The following COG4 variants were observed in gnomAD, a reference collection of about 807,000 sequenced individuals.
The protein encoded by COG4 is conserved oligomeric Golgi complex subunit 4.
COG4 carries 65 observed loss-of-function variants against 95.1 expected under a neutral mutation model. The observed-to-expected ratio is 0.68, with a 90% CI of 0.56 to 0.84. The LOEUF (loss-of-function observed/expected upper bound fraction) is 0.84, where lower values mean the gene tolerates loss of function less well. Among genes scored for constraint, COG4 ranks in the 40% least tolerant of loss-of-function variants. The probability of loss-of-function intolerance (pLI) is 0.00; values close to 1 mark genes in which losing one functional copy is unlikely to be tolerated. For synonymous variants in COG4, 421 were observed against 374.8 expected, an observed-to-expected ratio of 1.12 and a Z score of -1.42; for missense variants, 1,045 against 989.1, an observed-to-expected ratio of 1.06 and a Z score of -0.76.
intron 7 of COG4, 184 bp from the exon 8 acceptor site, chr16:70,508,648 G>C: frequency 1.4e-6 from 1 of 691,370 alleles, no homozygotes; most frequent in Non-Finnish European, 2.6e-6. Flanking sequence ...TTTTGGGTTG[G>C]ATGCTAATAA....
Position 70,503,142 on chromosome 16 carries a change from C to T in COG4, c.1062-2051G>A, listed in dbSNP as rs1049928692. 3.3e-5 allele frequency among the ~76,000 whole-genome samples: 5 copies of T among 152,208 alleles called. No individual in the cohort carries two copies. In the East Asian group the frequency reaches 9.7e-4, roughly 29 times the overall value. ...CACAGCTCACTGCAGGCTCAGCTTC[C>T]CTGGGATCAGGCAATCCTCCCACCT... On this transcript the variant is annotated intron_variant, in intron 8 of 18. Coordinates refer to ENST00000323786, the MANE Select transcript of COG4 (RefSeq NM_015386.3).
chr16:70,498,297 T>C (rs2049381282), intron 9 of COG4, among the ~76,000 whole-genome samples: 1 of 152,162 alleles, frequency 6.6e-6, no homozygotes, highest in South Asian at 2.1e-4. Context: ...AGGTGCATAA[T>C]CCACATTTTA....
intron 8 of COG4, among the ~76,000 whole-genome samples, chr16:70,507,024 C>T (rs941530737): frequency 6.6e-6 from 1 of 151,988 alleles, no homozygotes; most frequent in Admixed American, 6.6e-5. Flanking sequence ...CGAGACCAGC[C>T]TAGGCAACAT....
intron 3 of COG4, 52 bp downstream of exon 3, chr16:70,517,574 C>G: frequency 2.9e-6 from 3 of 1,026,936 alleles, no homozygotes; most frequent in Non-Finnish European, 4.2e-6. Context: ...GGTGACAGAG[C>G]AAGACCCTGT....
chr16:70,490,412 G>T lies in COG4; in HGVS notation c.1648-20C>A. On this transcript the variant is annotated intron_variant, in intron 12 of 18. Coordinates refer to ENST00000323786, the MANE Select transcript of COG4 (RefSeq NM_015386.3). The stretch of plus-strand genomic sequence containing the variant: ...AGTCACCTGGGAGATGAGGAAGGAA[G>T]AACGTGACTTCCTGCTGACTGTGCC... The T allele has an allele frequency of 6.2e-7, 1 of 1,606,442 alleles. No homozygotes were observed. The highest frequency in any genetic ancestry group is 8.5e-7 in the Non-Finnish European group (1 of 1,173,186).
chr16:70,492,128 G>A (rs972596869), intron 12 of COG4, among the ~76,000 whole-genome samples: 1 of 152,234 alleles, frequency 6.6e-6, no homozygotes, highest in African/African-American at 2.4e-5. Flanking sequence ...TGAGCTTCCA[G>A]ATGGATAAAC....
Position 70,500,995 on chromosome 16 carries a change from C to A in COG4, c.1158G>T (p.Glu386Asp), listed in dbSNP as rs777579276. The A allele has an allele frequency of 2.5e-6, 4 of 1,614,104 alleles. No homozygotes were observed. In the East Asian group the frequency reaches 8.9e-5, roughly 36 times the overall value. Residue 386 changes from glutamate to aspartate, a missense_variant, in exon 9 of 19, where the codon GAG becomes GAT. By Grantham distance (45) the Glu-to-Asp change is conservative. Transcript: ENST00000323786. ...CCTCTGAGGCCATGGAGTCTCCCACCTCAAAATCAGAGCTAATCCTCTTCT... is the reference window on the plus strand; with the variant it reads ...CCTCTGAGGCCATGGAGTCTCCCACATCAAAATCAGAGCTAATCCTCTTCT... Reference protein sequence around the residue: ...FLKKRISSDFEVGDSMASEEV... With the variant: ...FLKKRISSDFDVGDSMASEEV...
chr16:70,512,190 G>T, intron 5 of COG4, 49 bp downstream of exon 5: 1 of 1,558,720 alleles, frequency 6.4e-7, no homozygotes, highest in Non-Finnish European at 8.8e-7. Flanking sequence ...GCCCCAATCT[G>T]CAGGCAGACA....
intron 9 of COG4, 103 bp downstream of exon 9, chr16:70,500,855 T>C: frequency 7.0e-7 from 1 of 1,423,914 alleles, no homozygotes; most frequent in Non-Finnish European, 9.9e-7. Flanking sequence ...CAGGGGCTAA[T>C]AAGTTCCAAT....
chr16:70,491,669 A>G (rs2049246121), intron 12 of COG4, among the ~76,000 whole-genome samples: 1 of 151,126 alleles, frequency 6.6e-6, no homozygotes, highest in Admixed American at 6.6e-5. Flanking sequence ...CTAAAAATAC[A>G]AAAAATTAGC....
intron 8 of COG4, among the ~76,000 whole-genome samples, chr16:70,503,301 C>T (rs2049490924): frequency 6.6e-6 from 1 of 152,206 alleles, no homozygotes; most frequent in South Asian, 2.1e-4. Flanking sequence ...ATCTGCCCAC[C>T]TCTGCGTCCC....
intron 4 of COG4, among the ~76,000 whole-genome samples, chr16:70,514,098 T>C (rs1240368944): frequency 4.6e-5 from 7 of 152,006 alleles, no homozygotes; most frequent in African/African-American, 1.7e-4. Flanking sequence ...TAGTCCCAGC[T>C]ACTCAGGAGG....
At chr16:70,523,304 G>A in intron 1 of COG4, 69 bp downstream of exon 1, 1 of 1,584,340 alleles carries the variant, frequency 6.3e-7, no homozygotes, top group Non-Finnish European at 8.7e-7. Context: ...CCCACAGCCC[G>A]GATTTCCCGA....
At chr16:70,505,216 G>A (rs931659693) in intron 8 of COG4, among the ~76,000 whole-genome samples, 46 of 42,826 alleles carry the variant, frequency 1.1e-3, no homozygotes, top group Non-Finnish European at 1.5e-3. Flanking sequence ...TTTTTTTTTT[G>A]AGACAGAGTC....
At chr16:70,485,210 T>C (rs2049102787) in intron 13 of COG4, among the ~76,000 whole-genome samples, 1 of 150,368 alleles carries the variant, frequency 6.7e-6, no homozygotes. Context: ...TCTCTCTTTT[T>C]TTTTTTTTTT....
intron 8 of COG4, among the ~76,000 whole-genome samples, chr16:70,504,311 A>T (rs2049514391): frequency 6.6e-6 from 1 of 151,992 alleles, no homozygotes; most frequent in Non-Finnish European, 1.5e-5. Context: ...CCTAACAAAA[A>T]ATTATCCAGT....
chr16:70,481,848 G>C lies in COG4; in HGVS notation c.2022C>G (p.Val674=), dbSNP rs368152789. 155 of 1,613,700 alleles carry C rather than the reference G, an allele frequency of 9.6e-5. No homozygotes were observed. Among genetic ancestry groups the C allele is most frequent in the Non-Finnish European group, 1.3e-4 (150 of 1,179,926 alleles). ...MAEFKASLSP[V]IYDSLTGLMT... The stretch of plus-strand genomic sequence containing the variant: ...TGAGGCCGGTTAGGCTGTCGTAGAT[G>C]ACCGGGGACAGGCTGGCCTGCACAC... The change falls in exon 17 of 19, where the codon GTC becomes GTG. Residue 674 remains valine, a synonymous_variant. Transcript: ENST00000323786.
At chr16:70,501,409 A>G (rs549987630) in intron 8 of COG4, 3 of 327,360 alleles carry the variant, frequency 9.2e-6, no homozygotes, top group Non-Finnish European at 1.8e-5. Context: ...GCTGGAGTGC[A>G]GTGGCTCGAT....
intron 4 of COG4, among the ~76,000 whole-genome samples, chr16:70,514,093 C>T (rs919140806): frequency 1.3e-5 from 2 of 151,974 alleles, no homozygotes; most frequent in South Asian, 2.1e-4. Flanking sequence ...ACCTGTAGTC[C>T]CAGCTACTCA....
Sources: allele counts gnomAD v4.1 joint callset (sites outside exome capture counted in the v4.1 genomes callset), GRCh38; gene constraint gnomAD v4.1.1; transcripts MANE v1.5; gene names NCBI Gene and HGNC (gene_info 2026-07-23, HGNC 2026-07-21).